BBS9: variants seen among roughly 807,000 people sequenced by gnomAD.
The protein encoded by BBS9 is protein PTHB1.
BBS9 carries 89 observed loss-of-function variants against 117.7 expected under a neutral mutation model. That is an observed-to-expected ratio of 0.76 (90% confidence interval 0.64 to 0.90). The LOEUF is 0.90. Among genes scored for constraint, BBS9 ranks in the 40% least tolerant of loss-of-function variants. The pLI, the probability that BBS9 is intolerant of heterozygous loss-of-function variation, is 0.00. For synonymous variants in BBS9, 379 were observed against 370.9 expected (o/e 1.02, Z -0.25); for missense variants, 982 against 1,042.2 (o/e 0.94, Z 0.80).
intron 19 of BBS9, among the ~76,000 whole-genome samples, chr7:33,479,598 A>G (rs1173545349): frequency 1.3e-5 from 2 of 152,190 alleles, no homozygotes; most frequent in Non-Finnish European, 2.9e-5. Flanking sequence ...GTAGAATGAT[A>G]TATTTTCCTT....
At chr7:33,214,974 C>T (rs1366651931) in intron 5 of BBS9, among the ~76,000 whole-genome samples, 1 of 152,124 alleles carries the variant, frequency 6.6e-6, no homozygotes, top group East Asian at 1.9e-4. Context: ...CGGGCGATCA[C>T]GAGGTCAGGA....
intron 19 of BBS9, among the ~76,000 whole-genome samples, chr7:33,484,960 G>T (rs149063191): frequency 6.6e-6 from 1 of 152,210 alleles, no homozygotes; most frequent in Non-Finnish European, 1.5e-5. Context: ...ATACTATGCA[G>T]CCATAAAAAG....
At chr7:33,188,864 T>C (rs2128187059) in intron 5 of BBS9, among the ~76,000 whole-genome samples, 1 of 151,884 alleles carries the variant, frequency 6.6e-6, no homozygotes. Flanking sequence ...TGAAGGTAGG[T>C]GCAATTAAAG....
chr7:33,515,735 G>C (rs912213667), intron 20 of BBS9, among the ~76,000 whole-genome samples: 1 of 152,136 alleles, frequency 6.6e-6, no homozygotes, highest in Non-Finnish European at 1.5e-5. Context: ...TGATCTCTGT[G>C]CGTGTCTTTC....
intron 2 of BBS9, among the ~76,000 whole-genome samples, chr7:33,151,422 T>C: frequency 6.6e-6 from 1 of 152,164 alleles, no homozygotes; most frequent in South Asian, 2.1e-4. Flanking sequence ...TAAGATAGCT[T>C]TCCCAATGCA....
rs181693560 is a variant in BBS9, at chr7:33,442,284, C to G, written c.2115+54140C>G. On this transcript the variant is annotated intron_variant, in intron 19 of 22. Coordinates refer to ENST00000242067, the MANE Select transcript of BBS9 (RefSeq NM_198428.3). Reference sequence around the variant, plus strand: ...TCTAAACGCCCTTGATACTAATTATCATATTATGTTTGCCAAAGACCAGGA... The same window carrying G: ...TCTAAACGCCCTTGATACTAATTATGATATTATGTTTGCCAAAGACCAGGA... Among the ~76,000 whole-genome samples, 387 of 152,232 alleles carry G rather than the reference C, an allele frequency of 2.5e-3. 2 individuals carry two copies. The highest frequency in any genetic ancestry group is 4.1e-3 in the Non-Finnish European group (282 of 68,016).
chr7:33,384,721 A>T (rs1006771207), intron 18 of BBS9, among the ~76,000 whole-genome samples: 13 of 148,960 alleles, frequency 8.7e-5, no homozygotes, highest in Non-Finnish European at 1.5e-4. Context: ...TGTGTGAGAG[A>T]GAGAGAGAGA....
chr7:33,274,127 A>T (rs1359151799), intron 9 of BBS9, among the ~76,000 whole-genome samples, 171 bp downstream of exon 9: 1 of 152,230 alleles, frequency 6.6e-6, no homozygotes, highest in Non-Finnish European at 1.5e-5. Flanking sequence ...GAAAGGAAGG[A>T]TAATTAGTGC....
Position 33,273,986 on chromosome 7 carries a change from A to G in BBS9, c.1016+30A>G, listed in dbSNP as rs756184595. ...GTGATTTAATTTAACACAGTTTTTA[A>G]AGAGGATGTTAGTCAAGAAATTTTC... On this transcript the variant is annotated intron_variant, in intron 9 of 22. Transcript: ENST00000242067. The G allele has an allele frequency of 9.9e-6, 16 of 1,611,094 alleles. No individual in the cohort carries two copies. The South Asian group carries it at 1.6e-4, about 17-fold the overall frequency.
At chr7:33,418,530 T>A (rs981197917) in intron 19 of BBS9, among the ~76,000 whole-genome samples, 5 of 152,130 alleles carry the variant, frequency 3.3e-5, no homozygotes, top group African/African-American at 9.7e-5. Flanking sequence ...TTCGCTCAAT[T>A]AGTTGGATGA....
At chr7:33,261,902 A>G (rs77063441) in intron 6 of BBS9, among the ~76,000 whole-genome samples, 451 of 152,330 alleles carry the variant, frequency 3.0e-3, no homozygotes, top group African/African-American at 0.01. Context: ...TCTTTCAGCA[A>G]TCTCGACAAG....
intron 21 of BBS9, among the ~76,000 whole-genome samples, chr7:33,575,915 A>G (rs1205640603): frequency 6.6e-6 from 1 of 152,176 alleles, no homozygotes; most frequent in Non-Finnish European, 1.5e-5. Context: ...TCAAAATAAT[A>G]AGAGCTATTT....
intron 9 of BBS9, among the ~76,000 whole-genome samples, chr7:33,333,554 T>C (rs1814607935): frequency 6.6e-6 from 1 of 152,088 alleles, no homozygotes; most frequent in Non-Finnish European, 1.5e-5. Context: ...TATAAAAAAG[T>C]GCTCGACATC....
At chr7:33,519,301 C>G (rs1848260953) in intron 20 of BBS9, among the ~76,000 whole-genome samples, 1 of 152,144 alleles carries the variant, frequency 6.6e-6, no homozygotes, top group Non-Finnish European at 1.5e-5. Context: ...CAGACTCTGT[C>G]AAATATATGG....
intron 21 of BBS9, among the ~76,000 whole-genome samples, chr7:33,579,646 C>G (rs1859537144): frequency 6.6e-6 from 1 of 152,092 alleles, no homozygotes; most frequent in Non-Finnish European, 1.5e-5. Context: ...AACCAGACTT[C>G]AGAATCCATT....
intron 16 of BBS9, among the ~76,000 whole-genome samples, chr7:33,367,479 T>C (rs1822001083): frequency 6.6e-6 from 1 of 152,216 alleles, no homozygotes; most frequent in Non-Finnish European, 1.5e-5. Flanking sequence ...CCTTGCTATC[T>C]GGCATGAAAA....
chr7:33,250,513 C>T (rs1796059774), intron 5 of BBS9, among the ~76,000 whole-genome samples: 2 of 152,132 alleles, frequency 1.3e-5, no homozygotes, highest in East Asian at 1.9e-4. Flanking sequence ...ACTTTCATGG[C>T]TTTTTCTGGA....
chr7:33,134,432 C>T (rs1194692094), intron 1 of BBS9, among the ~76,000 whole-genome samples: 2 of 151,914 alleles, frequency 1.3e-5, no homozygotes, highest in African/African-American at 4.8e-5. Flanking sequence ...TATTCAGACC[C>T]ATTGTTCATT....
chr7:33,157,096 T>A (rs1026602380), intron 4 of BBS9, among the ~76,000 whole-genome samples: 2 of 152,152 alleles, frequency 1.3e-5, no homozygotes, highest in African/African-American at 4.8e-5. Context: ...ATGGGGGCTC[T>A]AAGCAGGGCA....
Sources: gnomAD v4.1 joint callset for allele counts (sites outside exome capture counted in the v4.1 genomes callset) on GRCh38, gnomAD v4.1.1 for gene constraint, MANE v1.5 for transcripts, NCBI Gene and HGNC (gene_info 2026-07-23, HGNC 2026-07-21) for gene names.